Variants in ITGA9 observed in about 807,000 individuals in gnomAD.
ITGA9 encodes the protein integrin subunit alpha 9.
A neutral mutation model predicts 127.8 loss-of-function variants in ITGA9; 56 were observed. The ratio of observed to expected loss-of-function variants is 0.44; its 90% CI spans 0.35 to 0.55. The LOEUF (loss-of-function observed/expected upper bound fraction) is 0.55. Ranked by LOEUF, ITGA9 falls within the 20% of genes least tolerant of loss-of-function variation. The pLI is 0.00. For missense variants in ITGA9, 1,196 were observed against 1,347.1 expected, an observed-to-expected ratio of 0.89 and a Z score of 1.76; for synonymous variants, 508 against 514.5, an observed-to-expected ratio of 0.99 and a Z score of 0.17.
At chr3:37,782,905 T>C (rs1473210924) in intron 25 of ITGA9, among the ~76,000 whole-genome samples, 3 of 152,192 alleles carry the variant, frequency 2.0e-5, no homozygotes, top group Non-Finnish European at 4.4e-5. Flanking sequence ...TTTGGGAGGC[T>C]GAGGTGGGCA....
rs1218046683 is a variant in ITGA9, at chr3:37,636,299, T to C, written c.1839+6963T>C. 3.3e-5 allele frequency among the ~76,000 whole-genome samples: 5 copies of C among 152,260 alleles called. 1 individual carries two copies. Among genetic ancestry groups the C allele is most frequent in the South Asian group, 4.1e-4 (2 of 4,822 alleles). ...CACATCCTCTCCAGCACCTGTTGTTTCCTGACTTTTTAATGATCACCATTC... is the reference window on the plus strand; with the variant it reads ...CACATCCTCTCCAGCACCTGTTGTTCCCTGACTTTTTAATGATCACCATTC... On this transcript the variant is annotated intron_variant, in intron 16 of 27. Transcript: ENST00000264741.
intron 5 of ITGA9, among the ~76,000 whole-genome samples, chr3:37,495,951 C>T (rs1698723567): frequency 6.6e-6 from 1 of 152,158 alleles, no homozygotes; most frequent in Non-Finnish European, 1.5e-5. Flanking sequence ...CTCATCCTGG[C>T]CCCTGGACTT....
At chr3:37,733,515 CAAAAAAAAAAAAAAA>C (rs58505517) in intron 19 of ITGA9, among the ~76,000 whole-genome samples, 5 of 80,364 alleles carry the variant, frequency 6.2e-5, no homozygotes, top group Non-Finnish European at 6.7e-5. Context: ...CTCCGTCTCA[CAAAAAAAAAAAAAAA>C]AAAAAAAAAA....
At chr3:37,509,127 A>T (rs979560956) in intron 8 of ITGA9, among the ~76,000 whole-genome samples, 1 of 152,176 alleles carries the variant, frequency 6.6e-6, no homozygotes, top group Admixed American at 6.5e-5. Flanking sequence ...AGGTTGCCTG[A>T]TTCCTCTTAG....
In ITGA9 at chr3:37,508,570, C is replaced by G; in HGVS notation, c.840C>G (p.Phe280Leu). ...QDKGIGKVYI[F>L]RADRRSGTLI... ...TTTTCATTCCATAGGTTTATATTTT[C>G]AGAGCTGACCGAAGATCAGGCACCT... Residue 280 changes from phenylalanine (F) to leucine (L), a missense_variant, in exon 8 of 28, where the codon TTC (phenylalanine) becomes TTG (leucine). Transcript: ENST00000264741. 2 of 1,610,826 alleles carry G rather than the reference C, an allele frequency of 1.2e-6. No homozygotes were observed. Among genetic ancestry groups the G allele is most frequent in the Non-Finnish European group, 1.7e-6 (2 of 1,178,014 alleles).
At chr3:37,735,286 C>T (rs1696346123) in intron 19 of ITGA9, among the ~76,000 whole-genome samples, 1 of 152,180 alleles carries the variant, frequency 6.6e-6, no homozygotes, top group Middle Eastern at 3.2e-3. Context: ...GACCCTGCCT[C>T]TCTCTTCCTT....
At chr3:37,530,283 A>T (rs1699136186) in intron 13 of ITGA9, among the ~76,000 whole-genome samples, 1 of 152,184 alleles carries the variant, frequency 6.6e-6, no homozygotes, top group Non-Finnish European at 1.5e-5. Context: ...GGCCTAACTG[A>T]TGTTAGATTT....
At chr3:37,617,029 C>T in intron 15 of ITGA9, among the ~76,000 whole-genome samples, 1 of 152,182 alleles carries the variant, frequency 6.6e-6, no homozygotes. Flanking sequence ...TTATTTTGCT[C>T]ATTAGTTGAT....
chr3:37,789,544 A>G (rs2844399), intron 26 of ITGA9, among the ~76,000 whole-genome samples: 81,830 of 150,452 alleles, frequency 0.54, 22,541 homozygotes, highest in Middle Eastern at 0.6. Context: ...TGGACCACAA[A>G]GTCAGGAGAT....
rs1701032522 is a variant in ITGA9 at position 37,708,487 on chromosome 3, C to A, written c.2068-24225C>A. Among the ~76,000 whole-genome samples, 4 of 152,306 alleles carry A rather than the reference C, an allele frequency of 2.6e-5. No individual in the cohort carries two copies. In the South Asian group the frequency reaches 8.3e-4, roughly 32 times the overall value. The stretch of plus-strand genomic sequence containing the variant: ...AGTGGGCGTTTTTGCAAACTATCTA[C>A]CCCAACCTCTGAGCGGTAGGTATAA... On this transcript the variant is annotated intron_variant, in intron 18 of 27. Transcript: ENST00000264741.
chr3:37,501,448 A>G (rs1698786044), intron 5 of ITGA9, among the ~76,000 whole-genome samples: 1 of 152,246 alleles, frequency 6.6e-6, no homozygotes, highest in Non-Finnish European at 1.5e-5. Flanking sequence ...AAATTAATAC[A>G]TATAATAAAA....
chr3:37,686,392 G>A (rs920180827), intron 18 of ITGA9, among the ~76,000 whole-genome samples: 12 of 152,150 alleles, frequency 7.9e-5, no homozygotes, highest in African/African-American at 2.9e-4. Context: ...TGAAGCTGCT[G>A]GGGACAGCAT....
chr3:37,697,102 T>C (rs1282095383), intron 18 of ITGA9, among the ~76,000 whole-genome samples: 2 of 152,038 alleles, frequency 1.3e-5, no homozygotes, highest in Non-Finnish European at 2.9e-5. Flanking sequence ...ACAAAGAGAA[T>C]ATGTCTGTAT....
At chr3:37,628,048 C>A (rs1264216577) in intron 15 of ITGA9, among the ~76,000 whole-genome samples, 1 of 152,126 alleles carries the variant, frequency 6.6e-6, no homozygotes, top group East Asian at 1.9e-4. Flanking sequence ...TACTCTGCTC[C>A]AAACGCCCCC....
intron 15 of ITGA9, among the ~76,000 whole-genome samples, 177 bp downstream of exon 15, chr3:37,542,762 T>C (rs925004309): frequency 6.6e-6 from 1 of 152,228 alleles, no homozygotes; most frequent in African/African-American, 2.4e-5. Context: ...GCCCTTTTAT[T>C]TATCTTACTG....
At chr3:37,454,174 G>GTA (rs1160401980) in intron 1 of ITGA9, among the ~76,000 whole-genome samples, 1 of 152,228 alleles carries the variant, frequency 6.6e-6, no homozygotes, top group African/African-American at 2.4e-5. Context: ...GGAGCATTGT[G>GTA]TGTGATCTGC....
In ITGA9 at chr3:37,744,032, C is replaced by G; in HGVS notation, c.2431C>G (p.Gln811Glu). The G allele has an allele frequency of 1.9e-6, 3 of 1,604,516 alleles. No individual in the cohort carries two copies. Among genetic ancestry groups the G allele is most frequent in the Non-Finnish European group, 2.6e-6 (3 of 1,171,172 alleles). Reference sequence around the variant, plus strand: ...CTTTCAGCCCATCAATATCACCCTTCAGGTACCCACTCCTGGAGACCTCCT... The same window carrying G: ...CTTTCAGCCCATCAATATCACCCTTGAGGTACCCACTCCTGGAGACCTCCT... ...CHFQPINITLQVYNTGPSTLP... is the reference protein window; with the variant it reads ...CHFQPINITLEVYNTGPSTLP... Residue 811 changes from glutamine (Q) to glutamate (E), a missense_variant and splice_region_variant, in exon 22 of 28, where the codon CAG becomes GAG. Transcript: ENST00000264741.
At position 37,812,317 on chromosome 3, in the gene ITGA9, A is replaced by G. The variant is rs556237461; in HGVS notation, c.3010-6574A>G. 2.2e-4 allele frequency among the ~76,000 whole-genome samples: 33 copies of G among 152,368 alleles called. No individual in the cohort carries two copies. The South Asian group carries it at 6.4e-3, about 30-fold the overall frequency. ...ATGAAGTCTTGAGTTAGTCCAAAAAAGGAATTTGTCCCAGGTCCTCAGAAT... is the reference window on the plus strand; with the variant it reads ...ATGAAGTCTTGAGTTAGTCCAAAAAGGGAATTTGTCCCAGGTCCTCAGAAT... On this transcript the variant is annotated intron_variant, in intron 27 of 27. Coordinates refer to ENST00000264741, the MANE Select transcript of ITGA9 (RefSeq NM_002207.3).
chr3:37,526,147 C>G (rs1267201920), intron 13 of ITGA9, 76 bp downstream of exon 13: 4 of 1,248,484 alleles, frequency 3.2e-6, no homozygotes, highest in Admixed American at 3.4e-5. Context: ...TTCATGGGCT[C>G]TTTCCTCTGT....
Sources: gnomAD v4.1 joint callset for allele counts (sites outside exome capture counted in the v4.1 genomes callset) on GRCh38, gnomAD v4.1.1 for gene constraint, MANE v1.5 for transcripts, NCBI Gene and HGNC (gene_info 2026-07-23, HGNC 2026-07-21) for gene names.